The following SCMH1 variants were observed in gnomAD, a reference collection of about 807,000 sequenced individuals.
SCMH1 encodes polycomb protein SCMH1.
Under a neutral mutation model 70.8 loss-of-function variants are expected in SCMH1, and 37 were observed. The observed-to-expected ratio is 0.52, with a 90% CI of 0.40 to 0.69. The LOEUF (loss-of-function observed/expected upper bound fraction) is 0.69. SCMH1 is among the 30% of genes least tolerant of loss of function. SCMH1 has a pLI of 0.00. For synonymous variants in SCMH1, 292 were observed against 307.4 expected, an observed-to-expected ratio of 0.95 and a Z score of 0.52; for missense variants, 607 against 827.3, an observed-to-expected ratio of 0.73 and a Z score of 3.27.
At chr1:41,087,058 T>C (rs923362222) in intron 8 of SCMH1, among the ~76,000 whole-genome samples, 17 of 151,980 alleles carry the variant, frequency 1.1e-4, no homozygotes, top group Admixed American at 8.5e-4. Flanking sequence ...ACCAATGGAA[T>C]AGAAAAACAG....
At chr1:41,147,596 A>AT (rs1201231701) in intron 5 of SCMH1, among the ~76,000 whole-genome samples, 7 of 151,962 alleles carry the variant, frequency 4.6e-5, no homozygotes, top group South Asian at 2.1e-4. Context: ...ATATTTGCTG[A>AT]TTTTTTTTCT....
chr1:41,136,413 C>A (rs555268300), intron 6 of SCMH1, among the ~76,000 whole-genome samples: 1 of 146,966 alleles, frequency 6.8e-6, no homozygotes, highest in South Asian at 2.1e-4. Flanking sequence ...GAGTCTCACT[C>A]TGTTGCCAGG....
At chr1:41,111,745 GT>G (rs1464365802) in intron 8 of SCMH1, among the ~76,000 whole-genome samples, 4 of 152,152 alleles carry the variant, frequency 2.6e-5, no homozygotes, top group Non-Finnish European at 4.4e-5. Flanking sequence ...CATTATATTA[GT>G]TGTTCCTTCT....
intron 2 of SCMH1, among the ~76,000 whole-genome samples, chr1:41,182,643 C>T (rs1172224152): frequency 2.0e-5 from 3 of 151,952 alleles, no homozygotes; most frequent in Non-Finnish European, 4.4e-5. Flanking sequence ...CCCAGGAAGT[C>T]CAAGCTGCAG....
At position 41,229,056 on chromosome 1, in the gene SCMH1, C is replaced by A. The variant is rs554332539; in HGVS notation, c.-118+13003G>T. Reference sequence around the variant, plus strand: ...ACTAAAAAGACAAAAACTAGCCAGGCATGATGGCACATGCCTGTAATCCCA... The same window carrying A: ...ACTAAAAAGACAAAAACTAGCCAGGAATGATGGCACATGCCTGTAATCCCA... On this transcript the variant is annotated intron_variant, in intron 1 of 14. Coordinates refer to ENST00000337495, the Ensembl canonical transcript of SCMH1. Among the ~76,000 whole-genome samples, 4 of 152,220 alleles carry A rather than the reference C, an allele frequency of 2.6e-5. No homozygotes were observed. The East Asian group carries it at 7.7e-4, about 29-fold the overall frequency.
chr1:41,176,339 G>C (rs551043232), intron 2 of SCMH1, among the ~76,000 whole-genome samples: 43 of 152,302 alleles, frequency 2.8e-4, no homozygotes, highest in Non-Finnish European at 5.4e-4. Flanking sequence ...CAGAAGACCG[G>C]TGATTTCTGC....
At chr1:41,055,886 G>A (rs1185251057) in intron 10 of SCMH1, among the ~76,000 whole-genome samples, 1 of 152,222 alleles carries the variant, frequency 6.6e-6, no homozygotes, top group Non-Finnish European at 1.5e-5. Context: ...CCTAGACCTT[G>A]AGCCTACTGG....
chr1:41,200,486 T>C (rs1387237600), intron 1 of SCMH1, among the ~76,000 whole-genome samples: 7 of 145,856 alleles, frequency 4.8e-5, no homozygotes, highest in African/African-American at 1.7e-4. Context: ...CAAAAAAATA[T>C]ATAAATAAAT....
intron 6 of SCMH1, among the ~76,000 whole-genome samples, chr1:41,142,105 A>G (rs988062700): frequency 6.6e-6 from 1 of 152,182 alleles, no homozygotes; most frequent in African/African-American, 2.4e-5. Flanking sequence ...CTACCTTTTT[A>G]TATGTTTGAA....
At chr1:41,225,630 A>G (rs997211043) in intron 1 of SCMH1, among the ~76,000 whole-genome samples, 1 of 152,240 alleles carries the variant, frequency 6.6e-6, no homozygotes, top group African/African-American at 2.4e-5. Flanking sequence ...TGACTTTTCA[A>G]TCAGAACTTG....
intron 8 of SCMH1, among the ~76,000 whole-genome samples, chr1:41,083,810 G>A (rs1295580894): frequency 6.7e-6 from 1 of 150,058 alleles, no homozygotes; most frequent in Non-Finnish European, 1.5e-5. Context: ...AGAGCCCTCA[G>A]AAATAACACC....
At chr1:41,203,855 C>A (rs1284948480) in intron 1 of SCMH1, among the ~76,000 whole-genome samples, 1 of 152,196 alleles carries the variant, frequency 6.6e-6, no homozygotes, top group Non-Finnish European at 1.5e-5. Context: ...ATGCTAATGA[C>A]TGGCTTGCTG....
In SCMH1 at chr1:41,240,746, C is replaced by CT. The variant is rs200850811; in HGVS notation, c.-118+1312dup. Among the ~76,000 whole-genome samples, 619 of 138,078 alleles carry CT rather than the reference C, an allele frequency of 4.5e-3. 3 individuals are homozygous for CT. Among genetic ancestry groups the CT allele is most frequent in the Non-Finnish European group, 5.0e-3 (320 of 63,684 alleles). 90.6% of individuals were successfully genotyped at this position (138,078 alleles called of 152,430 possible). A position where few individuals can be genotyped will look rare whatever the true frequency, so the allele number is the denominator to read the frequency against. ...TTGAACAAACACTACTAAATGTTTT[C>CT]TTTTTTTTTTTTTTTTAAGTTCAAA... is the stretch of plus-strand genomic sequence containing the variant. On this transcript the variant is annotated intron_variant, in intron 1 of 14. Coordinates refer to ENST00000337495, the Ensembl canonical transcript of SCMH1.
chr1:41,178,347 C>G (rs967791301), intron 2 of SCMH1, among the ~76,000 whole-genome samples: 2 of 152,104 alleles, frequency 1.3e-5, no homozygotes, highest in Admixed American at 1.3e-4. Context: ...GCAAAATAAC[C>G]AGCTAACATC....
chr1:41,180,642 G>T (rs1313451800), intron 2 of SCMH1, among the ~76,000 whole-genome samples: 1 of 152,156 alleles, frequency 6.6e-6, no homozygotes, highest in East Asian at 1.9e-4. Context: ...ACTTACAAGG[G>T]ACGTGAAGGA....
chr1:41,069,067 A>G (rs889873198), intron 10 of SCMH1, among the ~76,000 whole-genome samples: 1 of 152,210 alleles, frequency 6.6e-6, no homozygotes, highest in Non-Finnish European at 1.5e-5. Flanking sequence ...ACAGAAAAAT[A>G]AACACAAAAC....
chr1:41,178,893 C>A (rs767249919), intron 2 of SCMH1, among the ~76,000 whole-genome samples: 1 of 152,208 alleles, frequency 6.6e-6, no homozygotes, highest in African/African-American at 2.4e-5. Context: ...ACCTAACAGA[C>A]ATCTGCAGAA....
At chr1:41,184,308 G>A (rs1488958117) in intron 2 of SCMH1, among the ~76,000 whole-genome samples, 4 of 152,120 alleles carry the variant, frequency 2.6e-5, no homozygotes, top group South Asian at 2.1e-4. Context: ...AATGAAGAAT[G>A]TAGGGCTCAA....
chr1:41,093,032 C>A (rs1217810371), intron 8 of SCMH1, among the ~76,000 whole-genome samples: 1 of 152,114 alleles, frequency 6.6e-6, no homozygotes, highest in African/African-American at 2.4e-5. Flanking sequence ...GGCATATACC[C>A]AAAGGATTAT....
Sources: allele counts gnomAD v4.1 joint callset (sites outside exome capture counted in the v4.1 genomes callset), GRCh38; gene constraint gnomAD v4.1.1; transcripts MANE v1.5; gene names NCBI Gene and HGNC (gene_info 2026-07-23, HGNC 2026-07-21).